GRM7: variants seen among roughly 807,000 people sequenced by gnomAD.
GRM7 encodes glutamate metabotropic receptor 7, also known as metabotropic glutamate receptor 7.
GRM7 carries 35 observed loss-of-function variants against 84.5 expected under a neutral mutation model. That is an observed-to-expected ratio of 0.41 (90% CI 0.32 to 0.55). The LOEUF (loss-of-function observed/expected upper bound fraction) is 0.55, where lower values mean the gene tolerates loss of function less well. GRM7 is among the 20% of genes least tolerant of loss of function. GRM7 has a pLI of 0.19. For missense variants in GRM7, 1,003 were observed against 1,194.6 expected, an observed-to-expected ratio of 0.84 and a Z score of 2.36; for synonymous variants, 487 against 455.1, an observed-to-expected ratio of 1.07 and a Z score of -0.89.
At chr3:6,903,037 A>G (rs1256815377) in intron 1 of GRM7, among the ~76,000 whole-genome samples, 6 of 152,126 alleles carry the variant, frequency 3.9e-5, no homozygotes, top group Admixed American at 3.9e-4. Context: ...CTTTCTTTGC[A>G]TGGGTGACAT....
intron 8 of GRM7, among the ~76,000 whole-genome samples, chr3:7,581,072 TAAAAA>T (rs1478457821): frequency 6.6e-6 from 1 of 152,130 alleles, no homozygotes; most frequent in Non-Finnish European, 1.5e-5. Context: ...TTGGGGAACA[TAAAAA>T]GGAAAAATAA....
At chr3:7,322,740 C>G (rs1434874384) in intron 4 of GRM7, among the ~76,000 whole-genome samples, 1 of 152,012 alleles carries the variant, frequency 6.6e-6, no homozygotes, top group Non-Finnish European at 1.5e-5. Flanking sequence ...TTATTTCATT[C>G]CTTTTTATGG....
At chr3:7,076,908 C>A (rs192421795) in intron 1 of GRM7, among the ~76,000 whole-genome samples, 18 of 151,976 alleles carry the variant, frequency 1.2e-4, no homozygotes, top group East Asian at 1.9e-4. Flanking sequence ...AAAAAGTGGG[C>A]GAAGGATATG....
intron 2 of GRM7, among the ~76,000 whole-genome samples, chr3:7,239,838 T>G (rs1407675329): frequency 6.6e-6 from 1 of 152,218 alleles, no homozygotes; most frequent in East Asian, 1.9e-4. Flanking sequence ...GCTTTGATTC[T>G]TCACAAGTTA....
In GRM7 at chr3:7,460,389, A is replaced by C. The variant is rs1698196630; in HGVS notation, c.1376-1194A>C. On this transcript the variant is annotated intron_variant, in intron 6 of 9. Transcript: ENST00000357716. ...TTTTAATTTCTCTGTCACTATAAAC[A>C]ATTTTTTTTTTTATTTTCCAAACAG... Among the ~76,000 whole-genome samples the C allele has an allele frequency of 5.7e-5, 7 of 123,030 alleles. No homozygotes were observed. In the South Asian group the frequency reaches 1.6e-3, roughly 28 times the overall value. The allele number at this position is 123,030 out of a possible 152,430, so 80.7% of individuals were successfully genotyped here. A position where few individuals can be genotyped will look rare whatever the true frequency, so the allele number is the denominator to read the frequency against.
intron 8 of GRM7, among the ~76,000 whole-genome samples, chr3:7,611,736 G>T (rs1270193316): frequency 6.6e-6 from 1 of 152,094 alleles, no homozygotes; most frequent in South Asian, 2.1e-4. Context: ...GCCCCACCCA[G>T]ACCTACCAGA....
chr3:7,345,843 T>C (rs192311564), intron 4 of GRM7, among the ~76,000 whole-genome samples: 74 of 140,772 alleles, frequency 5.3e-4, no homozygotes, highest in Non-Finnish European at 9.8e-4. Context: ...AAAAAAAAAA[T>C]CAATTTGGAA....
In GRM7 at chr3:7,422,118, A is replaced by G. The variant is rs552776923; in HGVS notation, c.1174+6955A>G. On this transcript the variant is annotated intron_variant, in intron 5 of 9. Coordinates refer to ENST00000357716, the MANE Select transcript of GRM7 (RefSeq NM_000844.4). ...TCAAACACTCAAAAAACAGGGCCAT[A>G]GCAGTAAACTTTTGCTCAGTGTTCT... Among the ~76,000 whole-genome samples, 25 of 152,066 alleles carry G rather than the reference A, an allele frequency of 1.6e-4. No homozygotes were observed. The South Asian group carries it at 5.0e-3, about 30-fold the overall frequency.
At chr3:7,481,598 T>A (rs1699130219) in intron 7 of GRM7, among the ~76,000 whole-genome samples, 1 of 152,210 alleles carries the variant, frequency 6.6e-6, no homozygotes. Flanking sequence ...AAGACCTAGC[T>A]GGCAGGATTA....
At chr3:7,694,352 G>T in intron 9 of GRM7, 2 of 723,992 alleles carry the variant, frequency 2.8e-6, no homozygotes, top group Non-Finnish European at 3.4e-6. Flanking sequence ...TTCTGTTTCT[G>T]TTTCCTCTAG....
chr3:7,698,126 A>G (rs1248394723), intron 9 of GRM7, among the ~76,000 whole-genome samples: 3 of 152,204 alleles, frequency 2.0e-5, no homozygotes, highest in Admixed American at 2.0e-4. Context: ...ACTCTTTGCC[A>G]GGCATTATAC....
intron 1 of GRM7, among the ~76,000 whole-genome samples, chr3:6,981,996 G>A (rs767672921): frequency 2.0e-5 from 3 of 152,030 alleles, no homozygotes; most frequent in Non-Finnish European, 4.4e-5. Flanking sequence ...ACATGCACTC[G>A]TATGCCCATC....
At chr3:7,349,644 C>T (rs547373315) in intron 4 of GRM7, among the ~76,000 whole-genome samples, 19 of 152,190 alleles carry the variant, frequency 1.2e-4, no homozygotes, top group Admixed American at 6.5e-4. Context: ...TAGATAGTAC[C>T]GGGCTGGCCA....
intron 7 of GRM7, among the ~76,000 whole-genome samples, chr3:7,569,512 G>A (rs1166646236): frequency 1.3e-5 from 2 of 152,132 alleles, no homozygotes; most frequent in African/African-American, 2.4e-5. Context: ...CAGAATGTGG[G>A]TGGGGCCAGA....
chr3:6,960,392 C>G (rs73808494), intron 1 of GRM7, among the ~76,000 whole-genome samples: 17,020 of 152,088 alleles, frequency 0.11, 1,088 homozygotes, highest in East Asian at 0.21. Context: ...ATCACCAACC[C>G]CCAACCCAAT....
At chr3:7,578,291 CA>C in intron 7 of GRM7, 130 bp from the exon 8 acceptor site, 1 of 631,822 alleles carries the variant, frequency 1.6e-6, no homozygotes, top group Non-Finnish European at 2.8e-6. Context: ...GTAACTCTTG[CA>C]AGCTGAGGGT....
intron 1 of GRM7, among the ~76,000 whole-genome samples, chr3:7,056,167 TTGGA>T (rs1280122521): frequency 6.6e-6 from 1 of 152,034 alleles, no homozygotes; most frequent in African/African-American, 2.4e-5. Context: ...TGATTTTCCC[TTGGA>T]AGGCCAGCCA....
At chr3:7,584,155 C>G (rs976326038) in intron 8 of GRM7, among the ~76,000 whole-genome samples, 3 of 152,138 alleles carry the variant, frequency 2.0e-5, no homozygotes, top group Non-Finnish European at 4.4e-5. Context: ...CAACACATAG[C>G]ACATAGAGAA....
At chr3:7,693,654 G>A (rs2125152875) in intron 9 of GRM7, 1 of 1,530,606 alleles carries the variant, frequency 6.5e-7, no homozygotes, top group Admixed American at 2.0e-5. Flanking sequence ...AACTGCTACT[G>A]ACCATCTGCA....
Sources: gnomAD v4.1 joint callset for allele counts (sites outside exome capture counted in the v4.1 genomes callset) on GRCh38, gnomAD v4.1.1 for gene constraint, MANE v1.5 for transcripts, NCBI Gene and HGNC (gene_info 2026-07-23, HGNC 2026-07-21) for gene names.